KHDC4: variants seen among roughly 807,000 people sequenced by gnomAD.
The protein encoded by KHDC4 is KH domain containing 4, pre-mRNA splicing factor.
A neutral mutation model predicts 74.5 loss-of-function variants in KHDC4; 19 were observed. That is an observed-to-expected ratio of 0.26 (90% CI 0.18 to 0.37). The LOEUF is 0.37. Among genes scored for constraint, KHDC4 ranks in the 10% least tolerant of loss-of-function variants. The pLI is 1.00. For missense variants in KHDC4, 632 were observed against 754.1 expected, an observed-to-expected ratio of 0.84 and a Z score of 1.90; for synonymous variants, 253 against 266.1, an observed-to-expected ratio of 0.95 and a Z score of 0.48.
At chr1:155,927,803 C>CA (rs1157393289) in intron 4 of KHDC4, among the ~76,000 whole-genome samples, 390 of 8,146 alleles carry the variant, frequency 0.048, 147 homozygotes, top group Non-Finnish European at 0.058. Context: ...ACTCTGTCTC[C>CA]AAAAAAAAAA....
At chr1:155,929,441 T>G in intron 3 of KHDC4, 66 bp from the exon 4 acceptor site, 1 of 1,296,402 alleles carries the variant, frequency 7.7e-7, no homozygotes, top group Non-Finnish European at 1.1e-6. Context: ...AGACAGATTT[T>G]CTTCCCATTC....
At chr1:155,933,940 A>G in intron 1 of KHDC4, 91 bp from the exon 2 acceptor site, 1 of 997,262 alleles carries the variant, frequency 1.0e-6, no homozygotes, top group East Asian at 2.7e-5. Context: ...TTTTCCCTCT[A>G]TTATATTCCA....
rs1053643069 is a variant in KHDC4 at position 155,914,118 on chromosome 1, T to C, written c.*3A>G. The C allele has an allele frequency of 3.7e-6, 6 of 1,613,058 alleles. No homozygotes were observed. The highest frequency in any genetic ancestry group is 5.1e-6 in the Non-Finnish European group (6 of 1,179,012). On this transcript the variant is annotated 3_prime_UTR_variant, in exon 14 of 14. Transcript: ENST00000368321. ...GAGGGTCAAAACTCTGTTCCACTGT[T>C]TCCTAGGGAGCCATCCAGAATGGCA... is the stretch of plus-strand genomic sequence containing the variant.
In KHDC4 at chr1:155,914,188, A is replaced by T. The variant is rs1009352433; in HGVS notation, c.1778T>A (p.Leu593Ter). The T allele has an allele frequency of 6.2e-7, 1 of 1,614,200 alleles. No homozygotes were observed. Residue 593 changes from leucine to a stop codon, truncating the protein, a stop_gained, in exon 14 of 14, where the codon TTG (leucine) becomes TAG (stop). Coordinates refer to ENST00000368321, the MANE Select transcript of KHDC4 (RefSeq NM_014949.4). LOFTEE classifies it high-confidence loss of function. ...TTGTGATGAAGGATATTGGTATCCC[A>T]AACTCCAGCCCTGTGGAAAACTACT... ...NASSFPQGWSLGYQYPSSQPR... is the reference protein window; with the variant it reads ...NASSFPQGWS
Position 155,921,601 on chromosome 1 carries a change from C to T in KHDC4, c.1040G>A (p.Ser347Asn). The T allele has an allele frequency of 1.2e-6, 2 of 1,613,980 alleles. No homozygotes were observed. The highest frequency in any genetic ancestry group is 1.7e-6 in the Non-Finnish European group (2 of 1,179,980). The change falls in exon 10 of 14, where the codon AGT becomes AAT. Residue 347 changes from serine to asparagine, a missense_variant. Physicochemically the swap from Ser to Asn is conservative, Grantham distance 46. This residue lies in a region of KHDC4 where 254 missense variants were observed against 267.4 expected (regional missense o/e 0.95). Transcript: ENST00000368321. ...PGYTQPSAISSVPPQPPYYPS... is the reference protein window; with the variant it reads ...PGYTQPSAISNVPPQPPYYPS... The stretch of plus-strand genomic sequence containing the variant: ...ATAATATGGTGGTTGAGGAGGGACA[C>T]TACTTATAGCAGAGGGTTGTGTATA...
intron 3 of KHDC4, 146 bp from the exon 4 acceptor site, chr1:155,929,521 A>T: frequency 1.0e-6 from 1 of 981,644 alleles, no homozygotes; most frequent in South Asian, 1.6e-5. Flanking sequence ...ATGGTTTCTT[A>T]CTCAAACCAA....
intron 12 of KHDC4, 23 bp from the exon 13 acceptor site, chr1:155,915,987 T>G (rs917244015): frequency 2.7e-6 from 4 of 1,456,310 alleles, no homozygotes; most frequent in Non-Finnish European, 3.8e-6. Context: ...AAAATGAAAC[T>G]TTCTTTCAGA....
chr1:155,916,608 T>C lies in KHDC4; in HGVS notation c.1553+17A>G. The C allele has an allele frequency of 1.3e-6, 2 of 1,536,482 alleles. No individual in the cohort carries two copies. Among genetic ancestry groups the C allele is most frequent in the Non-Finnish European group, 1.8e-6 (2 of 1,113,264 alleles). ...CAAATAACATCTGAATACATTTGCA[T>C]AATTATTCCAACTTACCTGTCCCTC... On this transcript the variant is annotated intron_variant, in intron 12 of 13. Coordinates refer to ENST00000368321, the MANE Select transcript of KHDC4 (RefSeq NM_014949.4).
chr1:155,929,914 CTTAT>C (rs1218074485), intron 2 of KHDC4, 74 bp from the exon 3 acceptor site: 6 of 1,066,686 alleles, frequency 5.6e-6, no homozygotes, highest in East Asian at 6.8e-5. Flanking sequence ...TATTTATTTA[CTTAT>C]TTATTTTTTC....
At chr1:155,923,414 A>C (rs1174832666) in intron 8 of KHDC4, among the ~76,000 whole-genome samples, 1 of 152,206 alleles carries the variant, frequency 6.6e-6, no homozygotes, top group Non-Finnish European at 1.5e-5. Flanking sequence ...TTTCTCTCTC[A>C]AAGACTCCAG....
In KHDC4 at chr1:155,929,743, T is replaced by C. The variant is rs2102608733; in HGVS notation, c.353A>G (p.Asn118Ser). ...TTGAGTCTGTCCTCGAGTCAGCAAG[T>C]TCCTACATGTGAGAGGCACATCATT... Reference protein sequence around the residue: ...EINDVPLTCRNLLTRGQTQDE... With the variant: ...EINDVPLTCRSLLTRGQTQDE... Residue 118 changes from asparagine to serine, a missense_variant, in exon 3 of 14, where the codon AAC (asparagine) becomes AGC (serine). By Grantham distance (46) the Asn-to-Ser change is conservative. Transcript: ENST00000368321. 1 of 1,612,478 alleles carries C rather than the reference T, an allele frequency of 6.2e-7. No homozygotes were observed. Among genetic ancestry groups the C allele is most frequent in the South Asian group, 1.1e-5 (1 of 90,770 alleles).
chr1:155,930,234 C>T (rs1056297397), intron 2 of KHDC4, among the ~76,000 whole-genome samples: 1 of 152,140 alleles, frequency 6.6e-6, no homozygotes, highest in Non-Finnish European at 1.5e-5. Flanking sequence ...TTTTAGTCAT[C>T]CAATGTACAA....
chr1:155,933,224 C>G (rs1674181189), intron 2 of KHDC4, among the ~76,000 whole-genome samples: 1 of 152,046 alleles, frequency 6.6e-6, no homozygotes, highest in African/African-American at 2.4e-5. Flanking sequence ...TAAATGATCT[C>G]TCAACTACTA....
chr1:155,919,739 A>G (rs1673813121), intron 10 of KHDC4, among the ~76,000 whole-genome samples: 1 of 152,068 alleles, frequency 6.6e-6, no homozygotes, highest in Non-Finnish European at 1.5e-5. Flanking sequence ...TGAACCTGGG[A>G]GGCGGAGCTT....
Position 155,925,620 on chromosome 1 carries a change from A to G in KHDC4, c.893+12T>C, listed in dbSNP as rs1168141071. ...CAAGAATTCACATGTCCCCTGCCCT[A>G]TCCATCCATACCTGATGTAAATATA... On this transcript the variant is annotated intron_variant, in intron 7 of 13. Coordinates refer to ENST00000368321, the MANE Select transcript of KHDC4 (RefSeq NM_014949.4). 6 of 1,608,232 alleles carry G rather than the reference A, an allele frequency of 3.7e-6. No homozygotes were observed. Among genetic ancestry groups the G allele is most frequent in the Non-Finnish European group, 5.1e-6 (6 of 1,174,728 alleles).
intron 8 of KHDC4, among the ~76,000 whole-genome samples, chr1:155,922,782 G>A (rs958803148): frequency 6.6e-6 from 1 of 152,064 alleles, no homozygotes; most frequent in Non-Finnish European, 1.5e-5. Flanking sequence ...TACAAGGGTT[G>A]GTAAATCAGG....
chr1:155,927,832 C>CCACACACACACACACACA (rs199711249), intron 4 of KHDC4, among the ~76,000 whole-genome samples: 44 of 90,936 alleles, frequency 4.8e-4, no homozygotes, highest in South Asian at 7.2e-4. Flanking sequence ...AAAAAAAAAA[C>CCACACACACACACACACA]CACACACACA....
intron 4 of KHDC4, among the ~76,000 whole-genome samples, chr1:155,928,057 T>C (rs913109244): frequency 6.6e-6 from 1 of 151,692 alleles, no homozygotes; most frequent in African/African-American, 2.4e-5. Flanking sequence ...AAAACAGCAA[T>C]CAACACATAT....
chr1:155,933,533 C>T, intron 2 of KHDC4, 100 bp downstream of exon 2: 1 of 852,560 alleles, frequency 1.2e-6, no homozygotes, highest in Non-Finnish European at 1.8e-6. Context: ...ATCCACCCGC[C>T]TCGGCCTCCC....
Sources: allele counts gnomAD v4.1 joint callset (sites outside exome capture counted in the v4.1 genomes callset), GRCh38; gene constraint gnomAD v4.1.1; regional missense constraint gnomAD v4.1.1; transcripts MANE v1.5; gene names NCBI Gene and HGNC (gene_info 2026-07-23, HGNC 2026-07-21).